The following DNAJB11 variants were observed in gnomAD, a reference collection of about 807,000 sequenced individuals.
DNAJB11 encodes dnaJ homolog subfamily B member 11.
A neutral mutation model predicts 47.2 loss-of-function variants in DNAJB11; 30 were observed. The ratio of observed to expected loss-of-function variants is 0.64; its 90% CI spans 0.48 to 0.86. DNAJB11 has a LOEUF of 0.86. Among genes scored for constraint, DNAJB11 ranks in the 40% least tolerant of loss-of-function variants. DNAJB11 has a pLI of 0.00. For synonymous variants in DNAJB11, 151 were observed against 159.9 expected (o/e 0.94, Z 0.42); for missense variants, 357 against 440.2 (o/e 0.81, Z 1.69).
intron 7 of DNAJB11, 52 bp from the exon 8 acceptor site, chr3:186,583,813 T>C: frequency 2.9e-6 from 4 of 1,359,416 alleles, no homozygotes; most frequent in Non-Finnish European, 4.2e-6. Flanking sequence ...TTCTAACAAC[T>C]GTTTGAACTT....
intron 1 of DNAJB11, 57 bp downstream of exon 1, chr3:186,571,022 T>TGGGTGGGGGGGGGGGGG: frequency 4.8e-6 from 1 of 208,312 alleles, no homozygotes; most frequent in African/African-American, 5.6e-5. Context: ...TGCTGGGGGG[T>TGGGTGGGGGGGGGGGGG]GGGAGGGGGT....
rs1230940195 is a variant in DNAJB11, at chr3:186,583,887, G to A, written c.763G>A (p.Gly255Arg). ...TAGGCACCCAATATTTGAAAGGAGA[G>A]GAGATGATTTGTACACAAATGTGAC... ...VVKHPIFERR[G>R]DDLYTNVTIS... is the part of the protein sequence containing the mutation. Residue 255 changes from glycine to arginine, a missense_variant, in exon 8 of 10, where the codon GGA becomes AGA. Transcript: ENST00000265028. 2.5e-6 allele frequency: 4 copies of A among 1,613,382 alleles called. No individual in the cohort carries two copies. The highest frequency in any genetic ancestry group is 3.4e-6 in the Non-Finnish European group (4 of 1,179,498).
chr3:186,584,472 C>G lies in DNAJB11; in HGVS notation c.895C>G (p.Leu299Val), dbSNP rs149504761. The G allele has an allele frequency of 3.2e-5, 51 of 1,593,922 alleles. No homozygotes were observed. Among genetic ancestry groups the G allele is most frequent in the Non-Finnish European group, 4.1e-5 (48 of 1,173,432 alleles). ...RDKITRPGAK[L>V]WKKGEGLPNF... is the part of the protein sequence containing the mutation. ...TAAGATCACCAGGCCAGGAGCGAAG[C>G]TATGGAAGAAAGGGGAAGGGCTCCC... The change falls in exon 9 of 10, where the codon CTA becomes GTA. Residue 299 changes from leucine to valine, a missense_variant. Coordinates refer to ENST00000265028, the MANE Select transcript of DNAJB11 (RefSeq NM_016306.6).
chr3:186,578,665 T>C (rs1029096106), intron 4 of DNAJB11: 14 of 152,244 alleles, frequency 9.2e-5, no homozygotes, highest in African/African-American at 3.4e-4. Flanking sequence ...ATTGGCCATA[T>C]TTGTTTCCTC....
intron 1 of DNAJB11, 121 bp from the exon 2 acceptor site, chr3:186,571,974 C>A: frequency 1.3e-6 from 1 of 795,360 alleles, no homozygotes; most frequent in Non-Finnish European, 1.9e-6. Context: ...TCACATAAAC[C>A]TTCATTTTTA....
intron 2 of DNAJB11, among the ~76,000 whole-genome samples, chr3:186,575,354 TGCGC>T (rs368559871): frequency 0.02 from 2,573 of 129,350 alleles, 36 homozygotes; most frequent in African/African-American, 0.036. Flanking sequence ...TCCTAATACA[TGCGC>T]GCGCGCGCGC....
intron 9 of DNAJB11, 102 bp from the exon 10 acceptor site, chr3:186,585,242 G>T (rs572399301): frequency 3.5e-6 from 3 of 855,690 alleles, no homozygotes; most frequent in Admixed American, 2.5e-5. Flanking sequence ...ATCCATGTTT[G>T]TCATAAGGCC....
chr3:186,573,977 C>A (rs1178951378), intron 2 of DNAJB11, among the ~76,000 whole-genome samples: 3 of 152,124 alleles, frequency 2.0e-5, no homozygotes, highest in African/African-American at 7.2e-5. Context: ...TATAACAATC[C>A]TTTTAGCCAC....
At chr3:186,572,772 A>G (rs1007216685) in intron 2 of DNAJB11, among the ~76,000 whole-genome samples, 3 of 152,244 alleles carry the variant, frequency 2.0e-5, no homozygotes, top group African/African-American at 7.2e-5. Flanking sequence ...AGGATTGTTG[A>G]GGACTTTGAC....
At chr3:186,574,716 G>A (rs550822086) in intron 2 of DNAJB11, among the ~76,000 whole-genome samples, 261 of 152,146 alleles carry the variant, frequency 1.7e-3, no homozygotes, top group African/African-American at 6.0e-3. Context: ...TTTTTGCCAT[G>A]ACTCCTTACA....
chr3:186,573,776 T>G (rs1215257460), intron 2 of DNAJB11, among the ~76,000 whole-genome samples: 2 of 152,238 alleles, frequency 1.3e-5, no homozygotes, highest in South Asian at 2.1e-4. Flanking sequence ...TGTTTCTTGT[T>G]GATAATATGC....
chr3:186,575,362 C>T (rs910154788), intron 2 of DNAJB11, among the ~76,000 whole-genome samples: 5 of 110,138 alleles, frequency 4.5e-5, no homozygotes, highest in East Asian at 3.4e-4. Flanking sequence ...CATGCGCGCG[C>T]GCGCGCGTGT....
chr3:186,573,504 G>A lies in DNAJB11; in HGVS notation c.225+1253G>A, dbSNP rs9830877. ...GGTTTTACGCCATTCTCCTGCCTCA[G>A]CCTCCTGAGTAGCTGGGACTACAGC... On this transcript the variant is annotated intron_variant, in intron 2 of 9. Transcript: ENST00000265028. Among the ~76,000 whole-genome samples, 341 of 152,168 alleles carry A rather than the reference G, an allele frequency of 2.2e-3. 1 individual carries two copies. The highest frequency in any genetic ancestry group is 3.4e-3 in the Middle Eastern group (1 of 294).
chr3:186,576,461 T>G (rs1715298731), intron 3 of DNAJB11, among the ~76,000 whole-genome samples: 1 of 152,204 alleles, frequency 6.6e-6, no homozygotes, highest in South Asian at 2.1e-4. Flanking sequence ...TTTGAACCTC[T>G]CTTTATTGAG....
intron 3 of DNAJB11, among the ~76,000 whole-genome samples, chr3:186,576,519 T>C (rs1460957219): frequency 6.6e-6 from 1 of 152,234 alleles, no homozygotes; most frequent in Non-Finnish European, 1.5e-5. Context: ...TAAGAGACTT[T>C]AATCTGGGGT....
intron 9 of DNAJB11, 55 bp from the exon 10 acceptor site, chr3:186,585,289 G>T: frequency 6.9e-7 from 1 of 1,443,680 alleles, no homozygotes; most frequent in South Asian, 1.2e-5. Flanking sequence ...CTCTTTAAAC[G>T]CTAGGAAAGT....
At chr3:186,582,484 G>T (rs1157321560) in intron 6 of DNAJB11, among the ~76,000 whole-genome samples, 1 of 152,214 alleles carries the variant, frequency 6.6e-6, no homozygotes, top group Non-Finnish European at 1.5e-5. Flanking sequence ...CAGGAGACCA[G>T]TGTATCATTC....
chr3:186,577,756 C>T lies in DNAJB11; in HGVS notation c.412C>T (p.Leu138=). The T allele has an allele frequency of 1.2e-6, 2 of 1,607,224 alleles. No individual in the cohort carries two copies. The highest frequency in any genetic ancestry group is 1.7e-6 in the Non-Finnish European group (2 of 1,177,230). Residue 138 remains leucine, a synonymous_variant, in exon 4 of 10, where the codon CTA becomes TTA. Coordinates refer to ENST00000265028, the MANE Select transcript of DNAJB11 (RefSeq NM_016306.6). ...AAGAGGAAGTGATATTATTGTAGAT[C>T]TAGAAGTCACTTTGGAAGAAGTATA... ...IPRGSDIIVD[L]EVTLEEVYAG...
At chr3:186,581,701 GAACT>G (rs2108484089) in intron 5 of DNAJB11, among the ~76,000 whole-genome samples, 188 bp downstream of exon 5, 1 of 151,544 alleles carries the variant, frequency 6.6e-6, no homozygotes, top group East Asian at 1.9e-4. Flanking sequence ...TTATGTTTCT[GAACT>G]AACAAGCAGT....
Sources: allele counts gnomAD v4.1 joint callset (sites outside exome capture counted in the v4.1 genomes callset), GRCh38; gene constraint gnomAD v4.1.1; transcripts MANE v1.5; gene names NCBI Gene and HGNC (gene_info 2026-07-23, HGNC 2026-07-21).